Variants in SGCD observed in about 807,000 individuals in gnomAD.
SGCD encodes delta-sarcoglycan.
A neutral mutation model predicts 36.6 loss-of-function variants in SGCD; 18 were observed. The observed-to-expected ratio is 0.49, with a 90% CI of 0.34 to 0.73. SGCD has a LOEUF of 0.73. Ranked by LOEUF, SGCD falls within the 30% of genes least tolerant of loss-of-function variation. SGCD has a pLI of 0.01. For missense variants in SGCD, 387 were observed against 346.7 expected (o/e 1.12, Z -0.92); for synonymous variants, 133 against 130.6 (o/e 1.02, Z -0.12).
chr5:155,830,538 C>T, the SGCD span, among the ~76,000 whole-genome samples: 1 of 152,214 alleles, frequency 6.6e-6, no homozygotes, highest in African/African-American at 2.4e-5. Flanking sequence ...CCAGCGTATT[C>T]AGCTCTTGCT....
chr5:156,372,776 C>T (rs909801168), intron 3 of SGCD, among the ~76,000 whole-genome samples: 3 of 152,208 alleles, frequency 2.0e-5, no homozygotes, highest in Middle Eastern at 6.3e-3. Flanking sequence ...ATTCCCTCAG[C>T]ATACTGATTC....
chr5:156,715,933 G>A (rs1011328457), intron 7 of SGCD, among the ~76,000 whole-genome samples: 3 of 152,200 alleles, frequency 2.0e-5, no homozygotes, highest in Non-Finnish European at 2.9e-5. Flanking sequence ...GGGCCTCACA[G>A]GGAGCCAAGG....
intron 3 of SGCD, among the ~76,000 whole-genome samples, chr5:156,127,021 T>C (rs907589047): frequency 2.0e-5 from 3 of 152,170 alleles, no homozygotes; most frequent in African/African-American, 7.2e-5. Flanking sequence ...TAACCTGATC[T>C]CTGAAAAATA....
intron 3 of SGCD, among the ~76,000 whole-genome samples, chr5:156,464,483 G>C (rs986175856): frequency 6.6e-6 from 1 of 152,150 alleles, no homozygotes; most frequent in African/African-American, 2.4e-5. Context: ...GCCTCCCAAA[G>C]TGCTGGGATT....
chr5:156,074,581 G>T (rs1760712437), intron 1 of SGCD, among the ~76,000 whole-genome samples: 1 of 152,112 alleles, frequency 6.6e-6, no homozygotes, highest in Admixed American at 6.5e-5. Flanking sequence ...TTGGGAGGCT[G>T]AGGCAGGAGA....
the SGCD span, among the ~76,000 whole-genome samples, chr5:155,823,431 C>G: frequency 6.6e-6 from 1 of 151,932 alleles, no homozygotes; most frequent in East Asian, 1.9e-4. Context: ...ACTATACTGA[C>G]TCTACTGATT....
At chr5:156,504,991 C>T (rs1403184061) in intron 3 of SGCD, among the ~76,000 whole-genome samples, 1 of 152,198 alleles carries the variant, frequency 6.6e-6, no homozygotes, top group East Asian at 1.9e-4. Context: ...GAAATGTCAA[C>T]ATAGCATGCA....
chr5:155,816,431 G>A, the SGCD span, among the ~76,000 whole-genome samples: 2 of 152,200 alleles, frequency 1.3e-5, no homozygotes, highest in African/African-American at 4.8e-5. Context: ...TATTTATTAA[G>A]TGGCAGTGTA....
intron 3 of SGCD, among the ~76,000 whole-genome samples, chr5:156,137,856 A>C (rs1340576022): frequency 6.6e-6 from 1 of 152,126 alleles, no homozygotes; most frequent in East Asian, 1.9e-4. Context: ...CAGTGGAGAA[A>C]ATTTCACCAG....
chr5:156,092,523 A>AT (rs1248134493), intron 1 of SGCD, among the ~76,000 whole-genome samples: 1 of 152,164 alleles, frequency 6.6e-6, no homozygotes, highest in Non-Finnish European at 1.5e-5. Flanking sequence ...TAGTGTGCCA[A>AT]TTTTTGAACC....
At chr5:156,351,006 A>G (rs1192844200) in intron 3 of SGCD, among the ~76,000 whole-genome samples, 3 of 152,112 alleles carry the variant, frequency 2.0e-5, no homozygotes, top group Non-Finnish European at 4.4e-5. Context: ...TGGCTCTTCA[A>G]CAGAATTCTG....
At chr5:155,740,266 T>A in the SGCD span, among the ~76,000 whole-genome samples, 104 of 152,310 alleles carry the variant, frequency 6.8e-4, no homozygotes, top group African/African-American at 2.5e-3. Context: ...GCCCTGCCTA[T>A]TTTTAGGAAC....
intron 7 of SGCD, among the ~76,000 whole-genome samples, chr5:156,737,216 A>AGTC (rs1288474780): frequency 1.3e-5 from 2 of 152,226 alleles, no homozygotes; most frequent in African/African-American, 4.8e-5. Context: ...CCTAAAACTC[A>AGTC]GTCTATTACT....
chr5:156,441,984 G>A (rs1243911830), intron 3 of SGCD, among the ~76,000 whole-genome samples: 1 of 152,188 alleles, frequency 6.6e-6, no homozygotes, highest in East Asian at 1.9e-4. Context: ...TCCAAGGAAG[G>A]AGGTAGCAGG....
At chr5:155,825,092 A>C in the SGCD span, among the ~76,000 whole-genome samples, 1 of 152,182 alleles carries the variant, frequency 6.6e-6, no homozygotes, top group Non-Finnish European at 1.5e-5. Context: ...CATCAAAGAA[A>C]GCTGATGTTA....
At chr5:156,599,508 G>A (rs1761080867) in intron 6 of SGCD, among the ~76,000 whole-genome samples, 1 of 152,156 alleles carries the variant, frequency 6.6e-6, no homozygotes, top group Admixed American at 6.5e-5. Context: ...AAAACATAAT[G>A]TCTCTTACAT....
At chr5:156,629,861 T>C (rs980159907) in intron 6 of SGCD, among the ~76,000 whole-genome samples, 42 of 143,956 alleles carry the variant, frequency 2.9e-4, no homozygotes, top group African/African-American at 8.8e-4. Flanking sequence ...TTTTCTTTTT[T>C]TTTTTTTTTT....
At chr5:156,219,183 G>C (rs17053348) in intron 3 of SGCD, among the ~76,000 whole-genome samples, 3,124 of 152,170 alleles carry the variant, frequency 0.021, 121 homozygotes, top group African/African-American at 0.07. Context: ...GAAACTCATT[G>C]GACCCCTTAT....
At position 156,759,200 on chromosome 5, in the gene SGCD, C is replaced by T; in HGVS notation, c.700-17C>T. 6.2e-7 allele frequency: 1 copy of T among 1,609,130 alleles called. No individual in the cohort carries two copies. The highest frequency in any genetic ancestry group is 1.1e-5 in the South Asian group (1 of 90,952). On this transcript the variant is annotated splice_polypyrimidine_tract_variant and intron_variant, in intron 8 of 8. Transcript: ENST00000337851. Reference sequence around the variant, plus strand: ...CAGCCTCTGACCAATGCTTTCCTTCCTATTCTCTGTCTTTAGATTAAGTTA... The same window carrying T: ...CAGCCTCTGACCAATGCTTTCCTTCTTATTCTCTGTCTTTAGATTAAGTTA...
Sources: allele counts gnomAD v4.1 joint callset (sites outside exome capture counted in the v4.1 genomes callset), GRCh38; gene constraint gnomAD v4.1.1; transcripts MANE v1.5; gene names NCBI Gene and HGNC (gene_info 2026-07-23, HGNC 2026-07-21).